Variants in TRIP12 observed in about 807,000 individuals in gnomAD.
TRIP12 encodes thyroid hormone receptor interactor 12, also known as E3 ubiquitin-protein ligase TRIP12.
Under a neutral mutation model 244.2 loss-of-function variants are expected in TRIP12, and 25 were observed. That is an observed-to-expected ratio of 0.10 (90% CI 0.07 to 0.14). The LOEUF is 0.14. Among genes scored for constraint, TRIP12 ranks in the 10% least tolerant of loss-of-function variants. The probability of loss-of-function intolerance (pLI) is 1.00; values close to 1 mark genes in which losing one functional copy is unlikely to be tolerated. For missense variants in TRIP12, 1,677 were observed against 2,486.4 expected (o/e 0.67, Z 6.92); for synonymous variants, 905 against 873.1 (o/e 1.04, Z -0.64).
chr2:229,863,106 G>A (rs549897444), intron 2 of TRIP12, among the ~76,000 whole-genome samples: 67 of 151,952 alleles, frequency 4.4e-4, no homozygotes, highest in African/African-American at 1.5e-3. Context: ...GCGCACACCT[G>A]TAGTCTCAGC....
intron 1 of TRIP12, among the ~76,000 whole-genome samples, chr2:229,903,017 T>C (rs1313587323): frequency 8.9e-5 from 7 of 78,950 alleles, no homozygotes; most frequent in Admixed American, 2.6e-4. Flanking sequence ...TTTCTTTTTT[T>C]CTTTTTTTTT....
At chr2:229,784,942 A>T (rs2039516292) in intron 34 of TRIP12, among the ~76,000 whole-genome samples, 1 of 152,254 alleles carries the variant, frequency 6.6e-6, no homozygotes, top group Non-Finnish European at 1.5e-5. Flanking sequence ...CCAAAGAAGT[A>T]AAAACATGTG....
intron 1 of TRIP12, among the ~76,000 whole-genome samples, chr2:229,893,150 CAT>C (rs2067810286): frequency 1.3e-5 from 2 of 152,230 alleles, no homozygotes; most frequent in East Asian, 1.9e-4. Flanking sequence ...AAAAGTTTTA[CAT>C]ATGTTTTATT....
intron 16 of TRIP12, 63 bp from the exon 17 acceptor site, chr2:229,807,927 T>C: frequency 6.8e-7 from 1 of 1,476,318 alleles, no homozygotes; most frequent in Non-Finnish European, 9.1e-7. Flanking sequence ...GTTAGGTCTC[T>C]AAAGAAAAAT....
intron 5 of TRIP12, 86 bp downstream of exon 5, chr2:229,840,736 C>A (rs943029425): frequency 1.1e-5 from 10 of 933,888 alleles, no homozygotes; most frequent in Middle Eastern, 2.2e-4. Flanking sequence ...CAAAAAACAA[C>A]CTATGGAGTT....
chr2:229,869,604 C>T lies in TRIP12; in HGVS notation c.99-9073G>A, dbSNP rs538522358. 2.2e-4 allele frequency among the ~76,000 whole-genome samples: 34 copies of T among 152,248 alleles called. No homozygotes were observed. In the South Asian group the frequency reaches 3.9e-3, roughly 18 times the overall value. ...CTTTCCCTGGTAGGAAAAGAAAAAC[C>T]CTACCCTACCCTCATTTCTATAACT... On this transcript the variant is annotated intron_variant, in intron 2 of 41. Transcript: ENST00000675903.
chr2:229,893,657 T>C (rs1367603152), intron 1 of TRIP12, among the ~76,000 whole-genome samples: 1 of 152,242 alleles, frequency 6.6e-6, no homozygotes. Flanking sequence ...TATTGCTGAA[T>C]ATTCTACTGT....
intron 4 of TRIP12, among the ~76,000 whole-genome samples, chr2:229,851,704 C>T (rs1050526452): frequency 1.3e-5 from 2 of 152,136 alleles, no homozygotes; most frequent in Non-Finnish European, 2.9e-5. Context: ...ATGAGCCCAC[C>T]GGGAGGAAGG....
At chr2:229,849,504 A>G (rs1346460627) in intron 4 of TRIP12, among the ~76,000 whole-genome samples, 1 of 152,100 alleles carries the variant, frequency 6.6e-6, no homozygotes, top group East Asian at 1.9e-4. Context: ...TAATCTAGAC[A>G]CTGAAACTTC....
intron 1 of TRIP12, among the ~76,000 whole-genome samples, chr2:229,880,951 A>G (rs1029242602): frequency 2.0e-5 from 3 of 152,180 alleles, no homozygotes; most frequent in Non-Finnish European, 2.9e-5. Context: ...CTCAAAACTA[A>G]ACAAAACAAA....
chr2:229,764,698 GCT>G lies in TRIP12; in HGVS notation c.*2854_*2855del. 1 of 152,328 alleles carries G rather than the reference GCT, an allele frequency of 6.6e-6. No homozygotes were observed. The highest frequency in any genetic ancestry group is 2.1e-4 in the South Asian group (1 of 4,828). 9.4% of individuals were successfully genotyped at this position (152,328 alleles called of 1,614,324 possible). The stretch of plus-strand genomic sequence containing the variant: ...TAATTTCTTGGATACTGAAGTTGGT[GCT>G]CTGTCCCTTGGCCTTCTGTGGTAGG... On this transcript the variant is annotated 3_prime_UTR_variant, in exon 42 of 42. Coordinates refer to ENST00000675903, the MANE Select transcript of TRIP12 (RefSeq NM_001348323.3).
chr2:229,908,927 A>G (rs552899997), intron 1 of TRIP12, among the ~76,000 whole-genome samples: 1 of 151,804 alleles, frequency 6.6e-6, no homozygotes, highest in African/African-American at 2.4e-5. Flanking sequence ...CCCCTCTACA[A>G]AAAATAAAAA....
intron 1 of TRIP12, among the ~76,000 whole-genome samples, chr2:229,913,898 AAGG>A (rs1372490994): frequency 1.3e-5 from 2 of 152,254 alleles, no homozygotes; most frequent in Admixed American, 1.3e-4. Flanking sequence ...TATGTTACAG[AAGG>A]AGAATAGGAG....
At chr2:229,832,879 C>T (rs1460520075) in intron 6 of TRIP12, among the ~76,000 whole-genome samples, 1 of 152,198 alleles carries the variant, frequency 6.6e-6, no homozygotes, top group Admixed American at 6.5e-5. Flanking sequence ...TGAAATGGCT[C>T]TTAAACTTAT....
chr2:229,887,505 GAAAGCTACC>G (rs1560135118), intron 1 of TRIP12, among the ~76,000 whole-genome samples: 1 of 152,136 alleles, frequency 6.6e-6, no homozygotes, highest in Non-Finnish European at 1.5e-5. Flanking sequence ...AGATCAAGTA[GAAAGCTACC>G]AAACAGATCT....
chr2:229,788,108 A>C (rs2040542464), intron 32 of TRIP12, among the ~76,000 whole-genome samples: 2 of 152,156 alleles, frequency 1.3e-5, no homozygotes, highest in African/African-American at 4.8e-5. Context: ...CAGCCAGGTC[A>C]ATTAATTTTT....
rs2042526360 is a variant in TRIP12, at chr2:229,795,251, T to C, written c.3896A>G (p.Asn1299Ser). Residue 1299 changes from asparagine (N) to serine (S), a missense_variant, in exon 26 of 42, where the codon AAC becomes AGC. Coordinates refer to ENST00000675903, the MANE Select transcript of TRIP12 (RefSeq NM_001348323.3). ...PLLALVHKMN[N>S]CLSQMEQFPV... ...AAATTGTTCCATCTGGCTGAGGCAG[T>C]TGTTCATCTTGTGAACTAATGCCAA... 6.2e-7 allele frequency: 1 copy of C among 1,614,114 alleles called. No individual in the cohort carries two copies. The highest frequency in any genetic ancestry group is 8.5e-7 in the Non-Finnish European group (1 of 1,179,988).
chr2:229,910,347 G>C (rs1408667011), intron 1 of TRIP12, among the ~76,000 whole-genome samples: 1 of 152,038 alleles, frequency 6.6e-6, no homozygotes, highest in Non-Finnish European at 1.5e-5. Context: ...TTCTTTTTTA[G>C]TAATAAGAAA....
At chr2:229,865,996 T>C (rs1008068305) in intron 2 of TRIP12, among the ~76,000 whole-genome samples, 12 of 152,252 alleles carry the variant, frequency 7.9e-5, no homozygotes, top group African/African-American at 2.9e-4. Flanking sequence ...AAACATACAC[T>C]GGGAAGCGGC....
Sources: gnomAD v4.1 joint callset for allele counts (sites outside exome capture counted in the v4.1 genomes callset) on GRCh38, gnomAD v4.1.1 for gene constraint, MANE v1.5 for transcripts, NCBI Gene and HGNC (gene_info 2026-07-23, HGNC 2026-07-21) for gene names.